The following PSD3 variants were observed in gnomAD, a reference collection of about 807,000 sequenced individuals.
PSD3 encodes pleckstrin and Sec7 domain containing 3, also known as PH and SEC7 domain-containing protein 3.
A neutral mutation model predicts 105.5 loss-of-function variants in PSD3; 49 were observed. The observed-to-expected ratio is 0.46, with a 90% CI of 0.37 to 0.59. The LOEUF is 0.59. PSD3 is among the 20% of genes least tolerant of loss of function. The pLI is 0.00. For synonymous variants in PSD3, 557 were observed against 457.8 expected (o/e 1.22, Z -2.77); for missense variants, 1,561 against 1,263.8 (o/e 1.24, Z -3.57).
intron 11 of PSD3, among the ~76,000 whole-genome samples, chr8:18,614,460 A>C (rs1805507838): frequency 6.6e-6 from 1 of 151,020 alleles, no homozygotes; most frequent in Non-Finnish European, 1.5e-5. Flanking sequence ...CAGGATGCTT[A>C]AAGAGAAAAG....
At chr8:18,819,196 C>G (rs1470898762) in intron 4 of PSD3, among the ~76,000 whole-genome samples, 1 of 152,210 alleles carries the variant, frequency 6.6e-6, no homozygotes, top group Non-Finnish European at 1.5e-5. Context: ...AGGTAAACAG[C>G]TGTTGACAAA....
chr8:18,766,375 C>T (rs73199979), intron 8 of PSD3, among the ~76,000 whole-genome samples: 3,298 of 152,230 alleles, frequency 0.022, 56 homozygotes, highest in Middle Eastern at 0.051. Flanking sequence ...TATACACATA[C>T]ATACAATTTT....
intron 9 of PSD3, among the ~76,000 whole-genome samples, chr8:18,702,932 A>G (rs1301435953): frequency 6.6e-6 from 1 of 152,010 alleles, no homozygotes; most frequent in East Asian, 1.9e-4. Context: ...ACTCTTTATA[A>G]GAGGCATTTT....
intron 8 of PSD3, among the ~76,000 whole-genome samples, chr8:18,780,036 C>T (rs927705305): frequency 6.6e-6 from 1 of 152,204 alleles, no homozygotes; most frequent in African/African-American, 2.4e-5. Context: ...GACACCTAAT[C>T]TGATTTTATT....
intron 6 of PSD3, among the ~76,000 whole-genome samples, chr8:18,802,538 C>T (rs1212108748): frequency 2.0e-5 from 3 of 152,094 alleles, no homozygotes; most frequent in Non-Finnish European, 1.5e-5. Flanking sequence ...TAATAAACTA[C>T]ATCAGAATGC....
chr8:18,627,998 C>T (rs181273306), intron 11 of PSD3, among the ~76,000 whole-genome samples: 1 of 151,584 alleles, frequency 6.6e-6, no homozygotes, highest in Non-Finnish European at 1.5e-5. Flanking sequence ...AAAATAGACC[C>T]AAGTTGAACT....
chr8:18,721,815 T>C (rs1310930220), intron 9 of PSD3, among the ~76,000 whole-genome samples: 1 of 152,160 alleles, frequency 6.6e-6, no homozygotes, highest in Non-Finnish European at 1.5e-5. Context: ...TCATAGTAAG[T>C]ATTTATTTAA....
chr8:18,832,293 C>A (rs934846574), intron 4 of PSD3, among the ~76,000 whole-genome samples: 2 of 151,952 alleles, frequency 1.3e-5, no homozygotes, highest in Non-Finnish European at 2.9e-5. Flanking sequence ...CAAGGATGCA[C>A]AGAGGTCATC....
At chr8:18,940,680 T>C (rs1822477841) in intron 1 of PSD3, among the ~76,000 whole-genome samples, 1 of 152,220 alleles carries the variant, frequency 6.6e-6, no homozygotes, top group Non-Finnish European at 1.5e-5. Context: ...ATTTCCAATT[T>C]ATCTACTGTT....
chr8:18,827,045 C>T lies in PSD3; in HGVS notation c.1635-22147G>A, dbSNP rs538313207. Among the ~76,000 whole-genome samples the T allele has an allele frequency of 2.6e-5, 4 of 152,272 alleles. No individual in the cohort carries two copies. In the East Asian group the frequency reaches 7.7e-4, roughly 29 times the overall value. ...ATATTAATGTCACAGTTAAGAGCAG[C>T]AGCTTAAGAGGAAAACAAAGTTCTC... On this transcript the variant is annotated intron_variant, in intron 4 of 15. Transcript: ENST00000327040.
chr8:19,027,612 T>A (rs758661887), intron 1 of PSD3, among the ~76,000 whole-genome samples: 11 of 152,206 alleles, frequency 7.2e-5, no homozygotes, highest in Non-Finnish European at 1.5e-4. Context: ...TCCCTGTGGA[T>A]GCTGAGATCA....
At chr8:18,576,722 T>C (rs1297227712) in intron 12 of PSD3, among the ~76,000 whole-genome samples, 3 of 151,986 alleles carry the variant, frequency 2.0e-5, no homozygotes, top group Admixed American at 1.3e-4. Flanking sequence ...GTAACTTAGA[T>C]TCCAGACAAA....
intron 4 of PSD3, among the ~76,000 whole-genome samples, chr8:18,829,070 TA>T (rs903903711): frequency 2.8e-4 from 42 of 149,196 alleles, no homozygotes; most frequent in African/African-American, 4.4e-4. Flanking sequence ...GAGACTCCGT[TA>T]AAAAAAAAAT....
At chr8:18,806,350 A>T (rs1811196117) in intron 4 of PSD3, among the ~76,000 whole-genome samples, 1 of 152,218 alleles carries the variant, frequency 6.6e-6, no homozygotes, top group Admixed American at 6.5e-5. Flanking sequence ...GAAGGAAGAA[A>T]GCTCCACAGG....
At chr8:19,028,606 T>C (rs1259855189) in intron 1 of PSD3, among the ~76,000 whole-genome samples, 2 of 152,186 alleles carry the variant, frequency 1.3e-5, no homozygotes, top group Admixed American at 6.6e-5. Flanking sequence ...GTATCAGATA[T>C]GTATTTTGTA....
At chr8:19,073,869 C>A (rs1303804745) in intron 1 of PSD3, among the ~76,000 whole-genome samples, 1 of 151,626 alleles carries the variant, frequency 6.6e-6, no homozygotes, top group Admixed American at 6.6e-5. Flanking sequence ...CGGCTCACTG[C>A]AAGCTCCGCC....
At chr8:18,642,224 A>G (rs1807700710) in intron 10 of PSD3, among the ~76,000 whole-genome samples, 1 of 152,184 alleles carries the variant, frequency 6.6e-6, no homozygotes, top group South Asian at 2.1e-4. Context: ...CACTGGGGTC[A>G]AGCCACATGT....
At chr8:18,584,479 T>C (rs1041747698) in intron 12 of PSD3, among the ~76,000 whole-genome samples, 5 of 152,218 alleles carry the variant, frequency 3.3e-5, no homozygotes, top group Non-Finnish European at 7.3e-5. Context: ...ACTGAGTAGG[T>C]TAATCAACTT....
At chr8:19,014,853 T>C (rs1410939146), upstream of PSD3, among the ~76,000 whole-genome samples, 1 of 152,218 alleles carries the variant, frequency 6.6e-6, no homozygotes, top group Non-Finnish European at 1.5e-5. This position sits in a 1 kb window ranked among gnomAD's most constrained non-coding sequence, Gnocchi z 4.9. Context: ...CTGCCCCATC[T>C]GCATCTATCA....
Sources: gnomAD v4.1 joint callset for allele counts (sites outside exome capture counted in the v4.1 genomes callset) on GRCh38, gnomAD v4.1.1 for gene constraint, Gnocchi (gnomAD v3.1) non-coding constraint, MANE v1.5 for transcripts, NCBI Gene and HGNC (gene_info 2026-07-23, HGNC 2026-07-21) for gene names.